CCM2: variants seen among roughly 807,000 people sequenced by gnomAD.
CCM2 encodes the protein cerebral cavernous malformations 2 protein.
CCM2 carries 25 observed loss-of-function variants against 44.9 expected under a neutral mutation model. That is an observed-to-expected ratio of 0.56 (90% CI 0.41 to 0.78). CCM2 has a LOEUF of 0.78. Among genes scored for constraint, CCM2 ranks in the 30% least tolerant of loss-of-function variants. The pLI is 0.00. For missense variants in CCM2, 481 were observed against 580.6 expected (o/e 0.83, Z 1.76); for synonymous variants, 219 against 241.1 (o/e 0.91, Z 0.85).
At chr7:45,024,802 A>T (rs896412548) in intron 1 of CCM2, among the ~76,000 whole-genome samples, 1 of 152,202 alleles carries the variant, frequency 6.6e-6, no homozygotes, top group African/African-American at 2.4e-5. Flanking sequence ...CTTATTGGAA[A>T]CCTAAGATTC....
intron 1 of CCM2, among the ~76,000 whole-genome samples, chr7:45,021,563 CA>C (rs552014608): frequency 5.0e-4 from 70 of 138,842 alleles, no homozygotes; most frequent in South Asian, 4.6e-4. Flanking sequence ...GGCTCTTTCT[CA>C]AAAAAAAAAA....
intron 1 of CCM2, among the ~76,000 whole-genome samples, chr7:45,023,816 T>G (rs1369648390): frequency 6.3e-5 from 9 of 143,216 alleles, no homozygotes; most frequent in South Asian, 4.5e-4. Context: ...TTTTTTTTTT[T>G]TTTTTTTTTA....
In CCM2 at chr7:45,012,526, A is replaced by G. The variant is rs1273579001; in HGVS notation, c.30+12163A>G. Among the ~76,000 whole-genome samples, 4 of 152,176 alleles carry G rather than the reference A, an allele frequency of 2.6e-5. No homozygotes were observed. The South Asian group carries it at 8.3e-4, about 32-fold the overall frequency. On this transcript the variant is annotated intron_variant, in intron 1 of 9. Coordinates refer to ENST00000258781, the MANE Select transcript of CCM2 (RefSeq NM_031443.4). ...TTGTCCCAATCTCTTGTCTGATATT[A>G]ATATAGCTACACCACATTCTTTTTT...
Position 45,068,434 on chromosome 7 carries a change from A to T in CCM2, c.473-9A>T, listed in dbSNP as rs964738207. The T allele has an allele frequency of 2.6e-5, 42 of 1,613,814 alleles. No homozygotes were observed. Among genetic ancestry groups the T allele is most frequent in the Non-Finnish European group, 3.1e-5 (37 of 1,179,948 alleles). On this transcript the variant is annotated splice_polypyrimidine_tract_variant and intron_variant, in intron 4 of 9. Coordinates refer to ENST00000258781, the MANE Select transcript of CCM2 (RefSeq NM_031443.4). ...ACTGTGCTAAACTGAGATGGTGTTG[A>T]CTTCTCAGCCCAGGACCCAGGGATC...
chr7:45,052,072 G>C (rs1297935106), intron 2 of CCM2, among the ~76,000 whole-genome samples: 1 of 152,226 alleles, frequency 6.6e-6, no homozygotes, highest in African/African-American at 2.4e-5. Flanking sequence ...CTTGATCCAA[G>C]GTGATGATGG....
chr7:45,060,797 G>T (rs771453955), intron 2 of CCM2, among the ~76,000 whole-genome samples: 2 of 152,090 alleles, frequency 1.3e-5, no homozygotes, highest in Non-Finnish European at 2.9e-5. Context: ...TGTTGCTTAG[G>T]GTTTCCATCT....
chr7:45,019,681 C>T (rs1796405596), intron 1 of CCM2, among the ~76,000 whole-genome samples: 1 of 152,072 alleles, frequency 6.6e-6, no homozygotes, highest in Non-Finnish European at 1.5e-5. Flanking sequence ...CTTCTGGGCT[C>T]AAGCAATTCT....
chr7:45,067,560 T>C (rs1295123601), intron 4 of CCM2: 1 of 152,236 alleles, frequency 6.6e-6, no homozygotes, highest in African/African-American at 2.4e-5. Context: ...TACATAGCAT[T>C]CTTTCTTTGC....
chr7:45,041,532 C>A (rs1316004790), intron 2 of CCM2, among the ~76,000 whole-genome samples: 5 of 152,174 alleles, frequency 3.3e-5, no homozygotes, highest in Admixed American at 3.3e-4. Flanking sequence ...GAAACACCAA[C>A]AGGTACAGAC....
In CCM2 at chr7:45,038,336, G is replaced by A; in HGVS notation, c.114G>A (p.Glu38=). 1 of 1,614,188 alleles carries A rather than the reference G, an allele frequency of 6.2e-7. No homozygotes were observed. Among genetic ancestry groups the A allele is most frequent in the Non-Finnish European group, 8.5e-7 (1 of 1,180,026 alleles). Residue 38 remains glutamate (E), a synonymous_variant, in exon 2 of 10, where the codon GAG becomes GAA. Transcript: ENST00000258781. The part of the protein sequence containing the change: ...RDKKAHEKVT[E]RRPLHTVVLS... ...AGAAAGCCCATGAGAAGGTGACAGA[G>A]AGGCGCCCTCTGCACACTGTGGTGT...
At chr7:45,030,241 G>A (rs1204826565) in intron 1 of CCM2, among the ~76,000 whole-genome samples, 1 of 152,176 alleles carries the variant, frequency 6.6e-6, no homozygotes, top group Non-Finnish European at 1.5e-5. Flanking sequence ...GAGGTTCAAA[G>A]GTGACAAGAT....
chr7:45,008,039 ATTTTT>A (rs66538861), intron 1 of CCM2, among the ~76,000 whole-genome samples: 185 of 127,522 alleles, frequency 1.5e-3, no homozygotes, highest in Admixed American at 1.7e-3. Context: ...GGTGGGGTAC[ATTTTT>A]TTTTTTTTTT....
At chr7:45,002,434 C>T (rs781427951) in intron 1 of CCM2, among the ~76,000 whole-genome samples, 4 of 151,976 alleles carry the variant, frequency 2.6e-5, no homozygotes, top group Admixed American at 6.6e-5. Context: ...CCAGGCGCGG[C>T]AGCGCTCGCC....
chr7:45,031,449 G>A (rs1429631042), intron 1 of CCM2, among the ~76,000 whole-genome samples: 1 of 150,898 alleles, frequency 6.6e-6, no homozygotes, highest in African/African-American at 2.4e-5. Flanking sequence ...GGCAGTCATA[G>A]CCCACTGCAG....
chr7:45,013,195 T>G (rs1232732366), intron 1 of CCM2, among the ~76,000 whole-genome samples: 4 of 152,214 alleles, frequency 2.6e-5, no homozygotes, highest in Non-Finnish European at 5.9e-5. Flanking sequence ...ATCATTTCTT[T>G]CTTGTACACT....
chr7:45,013,881 A>T (rs918317278), intron 1 of CCM2, among the ~76,000 whole-genome samples: 119 of 152,134 alleles, frequency 7.8e-4, no homozygotes, highest in African/African-American at 2.8e-3. Flanking sequence ...CACACAGATG[A>T]TGTATTCTTC....
chr7:45,057,756 C>T (rs1798332958), intron 2 of CCM2, among the ~76,000 whole-genome samples: 1 of 152,170 alleles, frequency 6.6e-6, no homozygotes. Flanking sequence ...CTCTAATTAT[C>T]AGAAGGGTCT....
At chr7:45,072,886 C>A in intron 7 of CCM2, 103 bp downstream of exon 7, 1 of 953,208 alleles carries the variant, frequency 1.0e-6, no homozygotes, top group Non-Finnish European at 1.7e-6. Context: ...TCAGCTCACC[C>A]TCGCTAAGCC....
chr7:45,014,540 T>C (rs1796188235), intron 1 of CCM2, among the ~76,000 whole-genome samples: 3 of 151,892 alleles, frequency 2.0e-5, no homozygotes, highest in African/African-American at 7.3e-5. Context: ...CTTGAACTCC[T>C]GGGCTCAAGC....
Sources: allele counts gnomAD v4.1 joint callset (sites outside exome capture counted in the v4.1 genomes callset), GRCh38; gene constraint gnomAD v4.1.1; transcripts MANE v1.5; gene names NCBI Gene and HGNC (gene_info 2026-07-23, HGNC 2026-07-21).